STXBP6: variants seen among roughly 807,000 people sequenced by gnomAD.
STXBP6 encodes the protein syntaxin binding protein 6.
STXBP6 carries 21 observed loss-of-function variants against 26.9 expected under a neutral mutation model. That is an observed-to-expected ratio of 0.78 (90% CI 0.55 to 1.12). The LOEUF (loss-of-function observed/expected upper bound fraction) is 1.12. Ranked by LOEUF, STXBP6 falls within the 50% of genes most tolerant of loss-of-function variation. STXBP6 has a pLI of 0.00. For synonymous variants in STXBP6, 97 were observed against 92.6 expected, an observed-to-expected ratio of 1.05 and a Z score of -0.27; for missense variants, 232 against 257.9, an observed-to-expected ratio of 0.90 and a Z score of 0.69.
At chr14:24,836,780 T>C (rs2068631924) in intron 4 of STXBP6, among the ~76,000 whole-genome samples, 1 of 152,158 alleles carries the variant, frequency 6.6e-6, no homozygotes, top group Non-Finnish European at 1.5e-5. Flanking sequence ...GAGATTTTTC[T>C]TAATTCTTTA....
intron 2 of STXBP6, among the ~76,000 whole-genome samples, chr14:24,930,542 C>T (rs992396179): frequency 1.3e-5 from 2 of 152,122 alleles, no homozygotes; most frequent in Non-Finnish European, 2.9e-5. Flanking sequence ...TGATGACACC[C>T]AGGGTTGCTG....
intron 1 of STXBP6, among the ~76,000 whole-genome samples, chr14:25,018,377 C>T (rs1363673149): frequency 6.6e-6 from 1 of 152,130 alleles, no homozygotes; most frequent in Non-Finnish European, 1.5e-5. Context: ...ACCCTAAACC[C>T]TCCCGGTTTT....
chr14:24,961,528 T>G (rs948391501), intron 2 of STXBP6, among the ~76,000 whole-genome samples: 2 of 151,354 alleles, frequency 1.3e-5, no homozygotes, highest in Admixed American at 6.6e-5. Context: ...TTATTCTAAG[T>G]GAAGTAACTC....
At chr14:25,036,124 G>A (rs865793685) in intron 1 of STXBP6, among the ~76,000 whole-genome samples, 3 of 150,874 alleles carry the variant, frequency 2.0e-5, no homozygotes, top group African/African-American at 7.3e-5. Flanking sequence ...AGGCTGAGAC[G>A]GGAGAACACT....
rs1369214498 is a variant in STXBP6 at position 24,974,756 on chromosome 14, T to A, written c.63A>T (p.Gly21=). The change falls in exon 2 of 6, where the codon GGA becomes GGT. Residue 21 remains glycine (G), a synonymous_variant. Coordinates refer to ENST00000323944, the MANE Select transcript of STXBP6 (RefSeq NM_001394410.1). ...IFAPLDERML[G]AVQVKRRTKK... ...TTGTCCTCCTCTTGACTTGGACAGC[T>A]CCCAGCATCCTTTCATCAAGAGGTG... 3 of 1,604,586 alleles carry A rather than the reference T, an allele frequency of 1.9e-6. No homozygotes were observed. The highest frequency in any genetic ancestry group is 3.4e-5 in the Admixed American group (2 of 59,270).
intron 4 of STXBP6, among the ~76,000 whole-genome samples, chr14:24,828,213 C>T (rs540972968): frequency 6.3e-4 from 96 of 152,104 alleles, no homozygotes; most frequent in African/African-American, 2.2e-3. Flanking sequence ...AGCAAGGATA[C>T]CTCTAAAGAT....
intron 1 of STXBP6, among the ~76,000 whole-genome samples, chr14:24,985,737 T>C (rs778900609): frequency 6.6e-6 from 1 of 152,210 alleles, no homozygotes; most frequent in Non-Finnish European, 1.5e-5. Flanking sequence ...ACCACATTAT[T>C]TGACACCCTT....
rs190329357 is a variant in STXBP6, at chr14:25,034,615, G to A, written c.-33+15263C>T. Among the ~76,000 whole-genome samples, 805 of 152,206 alleles carry A rather than the reference G, an allele frequency of 5.3e-3. 4 individuals carry two copies. Among genetic ancestry groups the A allele is most frequent in the Non-Finnish European group, 8.4e-3 (569 of 68,014 alleles). On this transcript the variant is annotated intron_variant, in intron 1 of 5. Coordinates refer to ENST00000323944, the MANE Select transcript of STXBP6 (RefSeq NM_001394410.1). ...CTTAGGAGTCACATGGATGGGATGT[G>A]TGACCCTGGGACCAAAGGACAACTT...
chr14:24,935,074 C>T (rs998959346), intron 2 of STXBP6, among the ~76,000 whole-genome samples: 3 of 152,112 alleles, frequency 2.0e-5, no homozygotes, highest in East Asian at 1.9e-4. Flanking sequence ...GATCTTCCCA[C>T]AGAGAAATGT....
intron 4 of STXBP6, among the ~76,000 whole-genome samples, chr14:24,834,872 A>T (rs1039402124): frequency 2.0e-5 from 3 of 152,196 alleles, no homozygotes; most frequent in African/African-American, 7.2e-5. Flanking sequence ...ATAAGATCAG[A>T]TTCAAGTTAT....
chr14:24,892,527 G>C (rs919785787), intron 2 of STXBP6, among the ~76,000 whole-genome samples: 10 of 151,994 alleles, frequency 6.6e-5, no homozygotes, highest in Non-Finnish European at 1.5e-4. Flanking sequence ...TCTGATTCTG[G>C]GCCAACCACA....
chr14:24,918,814 C>G (rs917957408), intron 2 of STXBP6, among the ~76,000 whole-genome samples: 4 of 151,996 alleles, frequency 2.6e-5, no homozygotes, highest in Admixed American at 6.6e-5. Flanking sequence ...TATTAACTGT[C>G]AAATATTTGG....
At position 24,895,862 on chromosome 14, in the gene STXBP6, C is replaced by T. The variant is rs533081157; in HGVS notation, c.155-38705G>A. ...TCACCAGTAACAGGCAAAAATTATA[C>T]TTCCTCTTTGGGTTGTCTTGAGGAG... On this transcript the variant is annotated intron_variant, in intron 2 of 5. Coordinates refer to ENST00000323944, the MANE Select transcript of STXBP6 (RefSeq NM_001394410.1). Among the ~76,000 whole-genome samples the T allele has an allele frequency of 1.1e-3, 166 of 152,314 alleles. 1 individual carries two copies. The highest frequency in any genetic ancestry group is 3.8e-3 in the African/African-American group (158 of 41,562).
intron 1 of STXBP6, among the ~76,000 whole-genome samples, chr14:24,986,002 C>T (rs2074321947): frequency 6.6e-6 from 1 of 152,052 alleles, no homozygotes. Flanking sequence ...AACAGAGAAA[C>T]ATGAAATGAT....
rs551516221 is a variant in STXBP6 at position 24,981,552 on chromosome 14, G to A, written c.-32-6702C>T. ...CCCAAAGTGCTGGGATTACAGGTGC[G>A]TGCCCAGCCCAGATATGTGTTTTTA... On this transcript the variant is annotated intron_variant, in intron 1 of 5. Coordinates refer to ENST00000323944, the MANE Select transcript of STXBP6 (RefSeq NM_001394410.1). 5.9e-5 allele frequency among the ~76,000 whole-genome samples: 9 copies of A among 152,228 alleles called. No individual in the cohort carries two copies. The East Asian group carries it at 9.7e-4, about 16-fold the overall frequency.
At chr14:24,946,114 C>T (rs2140022250) in intron 2 of STXBP6, among the ~76,000 whole-genome samples, 1 of 152,262 alleles carries the variant, frequency 6.6e-6, no homozygotes, top group African/African-American at 2.4e-5. Context: ...TTTATTTCAA[C>T]AAGTCTTTGA....
chr14:24,903,985 T>G (rs911163519), intron 2 of STXBP6, among the ~76,000 whole-genome samples: 1 of 152,122 alleles, frequency 6.6e-6, no homozygotes. Flanking sequence ...ATTTTAAGAG[T>G]TTGGCTGACC....
At chr14:24,903,976 T>C (rs2071299897) in intron 2 of STXBP6, among the ~76,000 whole-genome samples, 1 of 152,180 alleles carries the variant, frequency 6.6e-6, no homozygotes, top group South Asian at 2.1e-4. Context: ...CTTTGCTACA[T>C]TTTAAGAGTT....
At chr14:24,818,740 C>T (rs997397083) in intron 5 of STXBP6, among the ~76,000 whole-genome samples, 3 of 152,036 alleles carry the variant, frequency 2.0e-5, no homozygotes, top group Non-Finnish European at 4.4e-5. Context: ...TTCTGTGCCT[C>T]GATACTTGAG....
Sources: gnomAD v4.1 joint callset for allele counts (sites outside exome capture counted in the v4.1 genomes callset) on GRCh38, gnomAD v4.1.1 for gene constraint, MANE v1.5 for transcripts, NCBI Gene and HGNC (gene_info 2026-07-23, HGNC 2026-07-21) for gene names.